Variants in RTN4 observed in about 807,000 individuals in gnomAD.
RTN4 encodes the protein reticulon 4, also known as reticulon-4.
Under a neutral mutation model 90.4 loss-of-function variants are expected in RTN4, and 32 were observed. The observed-to-expected ratio is 0.35, with a 90% CI of 0.27 to 0.48. The LOEUF (loss-of-function observed/expected upper bound fraction) is 0.48, where lower values mean the gene tolerates loss of function less well. Ranked by LOEUF, RTN4 falls within the 20% of genes least tolerant of loss-of-function variation. The probability of loss-of-function intolerance (pLI) is 0.99; values close to 1 mark genes in which losing one functional copy is unlikely to be tolerated. For missense variants in RTN4, 1,706 were observed against 1,430.2 expected (o/e 1.19, Z -3.11); for synonymous variants, 629 against 552.5 (o/e 1.14, Z -1.94).
upstream of RTN4, among the ~76,000 whole-genome samples, chr2:55,117,478 C>T (rs778359140): frequency 1.3e-5 from 2 of 152,228 alleles, no homozygotes; most frequent in African/African-American, 2.4e-5. Context: ...GGAATAACAC[C>T]TGGCTCAAGG....
intron 1 of RTN4, among the ~76,000 whole-genome samples, chr2:55,103,981 C>G (rs1469955846): frequency 6.6e-6 from 1 of 151,812 alleles, no homozygotes; most frequent in East Asian, 1.9e-4. Context: ...AGGAATGAGC[C>G]ACCGCACCTG....
intron 1 of RTN4, among the ~76,000 whole-genome samples, chr2:55,108,319 A>G (rs1667979695): frequency 6.6e-6 from 1 of 151,986 alleles, no homozygotes; most frequent in Admixed American, 6.6e-5. Context: ...TTTTTTTAAA[A>G]ATTGCCCATT....
chr2:55,018,320 G>A (rs1438097576), intron 3 of RTN4, among the ~76,000 whole-genome samples: 3 of 152,098 alleles, frequency 2.0e-5, no homozygotes, highest in East Asian at 1.9e-4. Context: ...CTAAAACTGG[G>A]AGAAAGAAAA....
At position 55,027,262 on chromosome 2, in the gene RTN4, C is replaced by G; in HGVS notation, c.837G>C (p.Lys279Asn). Residue 279 changes from lysine (K) to asparagine (N), a missense_variant, in exon 3 of 9, where the codon AAG (lysine) becomes AAC (asparagine). Lys to Asn is a moderately conservative substitution (Grantham distance 94). Transcript: ENST00000337526. The part of the protein sequence containing the change: ...VSEASKEVSE[K>N]AKTLLIDRDL... ...CTCTATCTATGAGTAGAGTTTTTGC[C>G]TTCTCTGAGACCTCTTTAGAAGCTT... 6.2e-7 allele frequency: 1 copy of G among 1,613,642 alleles called. No homozygotes were observed. Among genetic ancestry groups the G allele is most frequent in the Non-Finnish European group, 8.5e-7 (1 of 1,179,798 alleles).
At position 55,025,895 on chromosome 2, in the gene RTN4, A is replaced by G. The variant is rs1464135130; in HGVS notation, c.2204T>C (p.Val735Ala). The G allele has an allele frequency of 6.8e-6, 11 of 1,613,698 alleles. No individual in the cohort carries two copies. The Admixed American group carries it at 1.8e-4, about 27-fold the overall frequency. The part of the protein sequence containing the change: ...EQPVPDHSEL[V>A]EDSSPDSEPV... ...TTCAGAATCAGGTGAGGAATCTTCAACTAGCTCAGAATGATCAGGCACTGG... is the reference window on the plus strand; with the variant it reads ...TTCAGAATCAGGTGAGGAATCTTCAGCTAGCTCAGAATGATCAGGCACTGG... The change falls in exon 3 of 9, where the codon GTT becomes GCT. Residue 735 changes from valine to alanine, a missense_variant. Coordinates refer to ENST00000337526, the MANE Select transcript of RTN4 (RefSeq NM_020532.5).
chr2:55,107,973 G>A (rs1667973575), intron 1 of RTN4, among the ~76,000 whole-genome samples: 2 of 150,766 alleles, frequency 1.3e-5, no homozygotes, highest in African/African-American at 4.9e-5. Flanking sequence ...TTTTTTTTGA[G>A]ATGGAGTCTT....
intron 2 of RTN4, among the ~76,000 whole-genome samples, chr2:55,067,473 C>A (rs78057875): frequency 6.6e-6 from 1 of 150,582 alleles, no homozygotes; most frequent in African/African-American, 2.5e-5. Context: ...AGTGCAGTTG[C>A]ACGATCTCAG....
At chr2:55,114,021 G>T (rs1668081405), upstream of RTN4, among the ~76,000 whole-genome samples, 1 of 152,160 alleles carries the variant, frequency 6.6e-6, no homozygotes, top group Non-Finnish European at 1.5e-5. Flanking sequence ...TGGAAACCAT[G>T]AATTTTTCAA....
At chr2:55,133,536 T>C in the RTN4 span, among the ~76,000 whole-genome samples, 41 of 152,228 alleles carry the variant, frequency 2.7e-4, no homozygotes, top group African/African-American at 8.2e-4. Flanking sequence ...CCGGTATGTG[T>C]TCAGTTCAAT....
intron 2 of RTN4, among the ~76,000 whole-genome samples, chr2:55,071,669 C>A (rs1050416769): frequency 2.6e-5 from 4 of 152,058 alleles, no homozygotes; most frequent in African/African-American, 9.7e-5. Context: ...ATAGATTACC[C>A]CTTTTTAGCA....
At chr2:54,982,691 A>C (rs1371112391) in intron 4 of RTN4, 38 bp from the exon 5 acceptor site, 1 of 1,567,332 alleles carries the variant, frequency 6.4e-7, no homozygotes, top group Non-Finnish European at 8.6e-7. Context: ...CACTAATTGG[A>C]GTGATTTTCC....
chr2:55,130,077 G>T, the RTN4 span, among the ~76,000 whole-genome samples: 1 of 152,136 alleles, frequency 6.6e-6, no homozygotes, highest in African/African-American at 2.4e-5. Context: ...AATTGTTTGT[G>T]AAGGCATAAA....
rs958232115 is a variant in RTN4, at chr2:54,973,640, G to C, written c.3478-19C>G. ...TCTGTGCCTGAAAGAGAGGTATAAA[G>C]GAATTATTACCGTTGCTAAAGAATC... On this transcript the variant is annotated intron_variant, in intron 7 of 8. Transcript: ENST00000337526. The C allele has an allele frequency of 9.4e-6, 15 of 1,594,236 alleles. No homozygotes were observed. Among genetic ancestry groups the C allele is most frequent in the Non-Finnish European group, 1.3e-5 (15 of 1,162,264 alleles).
At chr2:55,018,162 T>A (rs1558809763) in intron 3 of RTN4, among the ~76,000 whole-genome samples, 1 of 152,230 alleles carries the variant, frequency 6.6e-6, no homozygotes, top group African/African-American at 2.4e-5. Flanking sequence ...TGGTTCCTTC[T>A]TTCAGATTAT....
intron 3 of RTN4, among the ~76,000 whole-genome samples, chr2:54,997,904 T>C (rs1375722381): frequency 6.6e-6 from 1 of 152,178 alleles, no homozygotes. Flanking sequence ...TTTATCATAG[T>C]TATGTATAGA....
chr2:54,996,357 A>T lies in RTN4; in HGVS notation c.3014-8659T>A, dbSNP rs368909316. 2.2e-4 allele frequency among the ~76,000 whole-genome samples: 33 copies of T among 152,344 alleles called. No individual in the cohort carries two copies. In the East Asian group the frequency reaches 3.1e-3, roughly 14 times the overall value. On this transcript the variant is annotated intron_variant, in intron 3 of 8. Transcript: ENST00000337526. ...CCAATTGCAAAATTCATATGGAAAT[A>T]TAAGGGATCCAAAAAATCAAGAAAA...
At chr2:55,020,394 A>T (rs1371340035) in intron 3 of RTN4, among the ~76,000 whole-genome samples, 4 of 151,122 alleles carry the variant, frequency 2.6e-5, no homozygotes, top group Non-Finnish European at 5.9e-5. Flanking sequence ...GAAATTAATT[A>T]ACATATCTAT....
chr2:55,104,619 G>C (rs1254990984), intron 1 of RTN4, among the ~76,000 whole-genome samples: 1 of 151,966 alleles, frequency 6.6e-6, no homozygotes, highest in Non-Finnish European at 1.5e-5. Context: ...CCAAAGTGCT[G>C]GGATTACAGG....
At chr2:55,106,680 C>T (rs546143191) in intron 1 of RTN4, among the ~76,000 whole-genome samples, 43 of 152,042 alleles carry the variant, frequency 2.8e-4, no homozygotes, top group South Asian at 1.2e-3. Flanking sequence ...CCACCATGCC[C>T]GGCTAATTTT....
Sources: allele counts gnomAD v4.1 joint callset (sites outside exome capture counted in the v4.1 genomes callset), GRCh38; gene constraint gnomAD v4.1.1; transcripts MANE v1.5; gene names NCBI Gene and HGNC (gene_info 2026-07-23, HGNC 2026-07-21).